Variants in AIG1 observed in about 807,000 individuals in gnomAD.
AIG1 encodes the protein androgen-induced gene 1 protein.
AIG1 carries 23 observed loss-of-function variants against 31.4 expected under a neutral mutation model. The ratio of observed to expected loss-of-function variants is 0.73; its 90% CI spans 0.53 to 1.04. The LOEUF is 1.04. Ranked by LOEUF, AIG1 falls within the 50% of genes least tolerant of loss-of-function variation. The probability of loss-of-function intolerance (pLI) is 0.00; values close to 1 mark genes in which losing one functional copy is unlikely to be tolerated. For missense variants in AIG1, 274 were observed against 295.0 expected (o/e 0.93, Z 0.52); for synonymous variants, 100 against 110.5 (o/e 0.90, Z 0.60).
At chr6:143,218,423 A>G (rs1792200096) in intron 3 of AIG1, among the ~76,000 whole-genome samples, 1 of 152,210 alleles carries the variant, frequency 6.6e-6, no homozygotes, top group Non-Finnish European at 1.5e-5. Flanking sequence ...TCCATGGTCA[A>G]AAATAGAATA....
At position 143,103,507 on chromosome 6, in the gene AIG1, T is replaced by C. The variant is rs919282055; in HGVS notation, c.142-33328T>C. 5.6e-3 allele frequency among the ~76,000 whole-genome samples: 777 copies of C among 139,574 alleles called. 12 individuals are homozygous for C. Among genetic ancestry groups the C allele is most frequent in the East Asian group, 0.044 (211 of 4,778 alleles). The allele number at this position is 139,574 out of a possible 152,430, so 91.6% of individuals were successfully genotyped here. ...TGATAAATACAGAAGTTTTCTTTTT[T>C]TTTTTTTTTTTTTTTTTTGAGACGG... is the stretch of plus-strand genomic sequence containing the variant. On this transcript the variant is annotated intron_variant, in intron 1 of 5. Transcript: ENST00000357847.
chr6:143,072,797 T>A (rs1381913423), intron 1 of AIG1, among the ~76,000 whole-genome samples: 1 of 152,218 alleles, frequency 6.6e-6, no homozygotes, highest in Non-Finnish European at 1.5e-5. Flanking sequence ...GGGATATATT[T>A]AGATGGTAAA....
At chr6:143,214,035 A>C (rs181822027) in intron 3 of AIG1, among the ~76,000 whole-genome samples, 1 of 152,348 alleles carries the variant, frequency 6.6e-6, no homozygotes, top group East Asian at 1.9e-4. Context: ...AACACTGAAC[A>C]AAAGTATAAT....
chr6:143,133,449 T>G (rs1783451139), intron 1 of AIG1, among the ~76,000 whole-genome samples: 1 of 152,100 alleles, frequency 6.6e-6, no homozygotes, highest in Non-Finnish European at 1.5e-5. Flanking sequence ...GTAGGTAGAC[T>G]TCTAAAATGA....
At chr6:143,163,846 A>G (rs1786657230) in intron 2 of AIG1, among the ~76,000 whole-genome samples, 3 of 152,094 alleles carry the variant, frequency 2.0e-5, no homozygotes, top group Admixed American at 1.3e-4. Context: ...CTTTTAGCCA[A>G]TCAAAATACT....
In AIG1 at chr6:143,061,082, C is replaced by T. The variant is rs1338428868; in HGVS notation, c.141+16C>T. 5 of 1,611,126 alleles carry T rather than the reference C, an allele frequency of 3.1e-6. No homozygotes were observed. Among genetic ancestry groups the T allele is most frequent in the Non-Finnish European group, 4.2e-6 (5 of 1,178,396 alleles). On this transcript the variant is annotated intron_variant, in intron 1 of 5. Coordinates refer to ENST00000357847, the MANE Select transcript of AIG1 (RefSeq NM_016108.4). ...CATTGATCTGGTAAGGCCGTCCCCT[C>T]CCCCTGCTCGCCCCGCACCCCGTGC...
chr6:143,162,818 G>A (rs1209373799), intron 2 of AIG1, among the ~76,000 whole-genome samples: 1 of 152,138 alleles, frequency 6.6e-6, no homozygotes, highest in African/African-American at 2.4e-5. Context: ...GTCCACAAAT[G>A]CCCTGAGGCA....
intron 1 of AIG1, among the ~76,000 whole-genome samples, chr6:143,083,395 T>G (rs1289642641): frequency 6.6e-6 from 1 of 152,122 alleles, no homozygotes; most frequent in Non-Finnish European, 1.5e-5. Context: ...GTTGAGACAT[T>G]GGGTTCAAAG....
At chr6:143,227,697 A>G (rs1355174076) in intron 3 of AIG1, among the ~76,000 whole-genome samples, 1 of 152,030 alleles carries the variant, frequency 6.6e-6, no homozygotes, top group Non-Finnish European at 1.5e-5. Flanking sequence ...GGTTCTTTTG[A>G]TGCAAAAACG....
chr6:143,277,182 T>C (rs1397436554), intron 3 of AIG1, among the ~76,000 whole-genome samples: 1 of 152,204 alleles, frequency 6.6e-6, no homozygotes, highest in African/African-American at 2.4e-5. Flanking sequence ...TATTTCAAGA[T>C]AAAAATGTTC....
At chr6:143,166,513 C>T (rs756861854) in intron 3 of AIG1, among the ~76,000 whole-genome samples, 1 of 152,206 alleles carries the variant, frequency 6.6e-6, no homozygotes, top group Non-Finnish European at 1.5e-5. Context: ...GTTAGCTATT[C>T]CGTTACTTGT....
intron 1 of AIG1, among the ~76,000 whole-genome samples, chr6:143,093,615 T>A (rs890569911): frequency 1.3e-5 from 2 of 152,214 alleles, no homozygotes; most frequent in African/African-American, 4.8e-5. Flanking sequence ...AGAGGCCTAG[T>A]TTTTGGCCTG....
At chr6:143,077,500 T>C (rs778466859) in intron 1 of AIG1, among the ~76,000 whole-genome samples, 10 of 152,240 alleles carry the variant, frequency 6.6e-5, no homozygotes, top group Non-Finnish European at 8.8e-5. Context: ...CTTTCATCAC[T>C]TAAAAGATGT....
chr6:143,319,204 T>G (rs975597812), intron 4 of AIG1, among the ~76,000 whole-genome samples: 5 of 151,982 alleles, frequency 3.3e-5, no homozygotes, highest in Non-Finnish European at 1.5e-5. Flanking sequence ...AATTCACAAC[T>G]GCAAAAATAT....
intron 2 of AIG1, among the ~76,000 whole-genome samples, chr6:143,138,631 C>T (rs758902907): frequency 3.3e-5 from 5 of 152,134 alleles, no homozygotes; most frequent in Non-Finnish European, 4.4e-5. Context: ...CAGTGGCTCA[C>T]GCCTGTAATC....
At chr6:143,266,101 G>A (rs1445349013) in intron 3 of AIG1, among the ~76,000 whole-genome samples, 1 of 152,218 alleles carries the variant, frequency 6.6e-6, no homozygotes, top group African/African-American at 2.4e-5. Context: ...TGTAATCCCA[G>A]CACTGTGGGA....
At chr6:143,320,852 G>T (rs971426465) in intron 4 of AIG1, among the ~76,000 whole-genome samples, 8 of 141,432 alleles carry the variant, frequency 5.7e-5, no homozygotes, top group African/African-American at 2.1e-4. Flanking sequence ...AAGGAGTTTC[G>T]CTCTTGTTGC....
At chr6:143,136,772 T>G in intron 1 of AIG1, 63 bp from the exon 2 acceptor site, 1 of 1,288,026 alleles carries the variant, frequency 7.8e-7, no homozygotes, top group African/African-American at 1.5e-5. Flanking sequence ...GCAGCTCATT[T>G]GCTGTTCCAC....
In AIG1 at chr6:143,268,643, A is replaced by G. The variant is rs1269820815; in HGVS notation, c.400-15467A>G. The stretch of plus-strand genomic sequence containing the variant: ...TCCCTGTAAGTGCCAATGTCAGCAG[A>G]TTCATAACCCTGCAGCGCAATTTTG... On this transcript the variant is annotated intron_variant, in intron 3 of 5. Transcript: ENST00000357847. The surrounding 1 kb of genome is among the most constrained non-coding windows in gnomAD (Gnocchi z 5.0). Among the ~76,000 whole-genome samples the G allele has an allele frequency of 1.3e-5, 2 of 152,242 alleles. No homozygotes were observed. The highest frequency in any genetic ancestry group is 4.8e-5 in the African/African-American group (2 of 41,468).
Sources: gnomAD v4.1 joint callset for allele counts (sites outside exome capture counted in the v4.1 genomes callset) on GRCh38, gnomAD v4.1.1 for gene constraint, Gnocchi (gnomAD v3.1) non-coding constraint, MANE v1.5 for transcripts, NCBI Gene and HGNC (gene_info 2026-07-23, HGNC 2026-07-21) for gene names.